Variants in LZTR1 observed in about 807,000 individuals in gnomAD.
LZTR1 encodes leucine-zipper-like transcriptional regulator 1.
LZTR1 carries 260 observed loss-of-function variants against 105.7 expected under a neutral mutation model. That is an observed-to-expected ratio of 2.46 (90% confidence interval 2.22 to 2.72). The LOEUF is 2.72. Among genes scored for constraint, LZTR1 ranks in the 30% most tolerant of loss-of-function variants. The pLI is 0.00. For missense variants in LZTR1, 1,214 were observed against 1,166.9 expected (o/e 1.04, Z -0.59); for synonymous variants, 490 against 476.4 (o/e 1.03, Z -0.37).
intron 18 of LZTR1, 74 bp from the exon 19 acceptor site, chr22:20,996,622 G>T (rs370810895): frequency 7.9e-7 from 1 of 1,263,898 alleles, no homozygotes; most frequent in Non-Finnish European, 1.1e-6. Flanking sequence ...CTCCAGCTGC[G>T]CCCTTCCCTG....
chr22:20,994,691 C>T lies in LZTR1; in HGVS notation c.1749C>T (p.Cys583=), dbSNP rs758399311. The part of the protein sequence containing the change: ...SVDLQNVLVV[C]ESAARLQLSQ... Reference sequence around the variant, plus strand: ...ACCTGCAGAACGTGCTGGTTGTGTGCGAGAGTGCCGCCCGGCTGCAGCTGA... The same window carrying T: ...ACCTGCAGAACGTGCTGGTTGTGTGTGAGAGTGCCGCCCGGCTGCAGCTGA... The change falls in exon 15 of 21, where the codon TGC becomes TGT. Residue 583 remains cysteine, a synonymous_variant. Transcript: ENST00000646124. 1.5e-5 allele frequency: 24 copies of T among 1,612,452 alleles called. No individual in the cohort carries two copies. The South Asian group carries it at 1.9e-4, about 13-fold the overall frequency.
Position 20,998,809 on chromosome 22 carries a change from A to AGG in LZTR1, c.*1461_*1462insGG. On this transcript the variant is annotated 3_prime_UTR_variant, in exon 21 of 21. Coordinates refer to ENST00000646124, the MANE Select transcript of LZTR1 (RefSeq NM_006767.4). ...GCGCCCAGCCATGTGGGCCAGGTGC[A>AGG]TTCACTCAGAGTGGGGCCACACACC... The AGG allele has an allele frequency of 8.3e-6, 1 of 120,690 alleles. No homozygotes were observed. Among genetic ancestry groups the AGG allele is most frequent in the African/African-American group, 2.8e-5 (1 of 35,234 alleles). 7.5% of individuals were successfully genotyped at this position (120,690 alleles called of 1,614,324 possible).
rs1452298307 is a variant in LZTR1 at position 20,994,968 on chromosome 22, T to A, written c.1884T>A (p.Ile628=). The change falls in exon 16 of 21, where the codon ATT becomes ATA. Residue 628 remains isoleucine (I), a synonymous_variant. Coordinates refer to ENST00000646124, the MANE Select transcript of LZTR1 (RefSeq NM_006767.4). ...TCTCCTCTCCACTGATAGTGGAGATTGTGCGGCGGAAGCAGCAGCCGCCCC... is the reference window on the plus strand; with the variant it reads ...TCTCCTCTCCACTGATAGTGGAGATAGTGCGGCGGAAGCAGCAGCCGCCCC... ...ERLSSPLIVE[I]VRRKQQPPPR... 1 of 1,613,204 alleles carries A rather than the reference T, an allele frequency of 6.2e-7. No individual in the cohort carries two copies.
At chr22:20,993,847 T>G in intron 12 of LZTR1, 77 bp from the exon 13 acceptor site, 1 of 1,567,852 alleles carries the variant, frequency 6.4e-7, no homozygotes, top group African/African-American at 1.3e-5. Flanking sequence ...CTGGTGGTGC[T>G]GACCTTGGCT....
At chr22:20,988,187 C>G in intron 5 of LZTR1, 69 bp downstream of exon 5, 2 of 978,214 alleles carry the variant, frequency 2.0e-6, no homozygotes, top group Non-Finnish European at 3.2e-6. Context: ...GGATCTGCCC[C>G]CTTTTGCCTC....
intron 18 of LZTR1, 95 bp from the exon 19 acceptor site, chr22:20,996,601 G>C (rs1005025256): frequency 1.6e-5 from 15 of 954,098 alleles, no homozygotes; most frequent in Middle Eastern, 2.1e-4. Context: ...TGCTGGCGTG[G>C]GGGCTTGGGG....
At chr22:20,994,300 G>T (rs766202941) in intron 14 of LZTR1, 31 bp downstream of exon 14, 3 of 1,592,112 alleles carry the variant, frequency 1.9e-6, no homozygotes, top group Non-Finnish European at 2.6e-6. Context: ...AGCAGGGTTG[G>T]TGTGGGCTGG....
intron 11 of LZTR1, 52 bp from the exon 12 acceptor site, chr22:20,993,610 T>G (rs1284544906): frequency 4.6e-6 from 7 of 1,519,284 alleles, no homozygotes; most frequent in Non-Finnish European, 5.4e-6. Context: ...ACAGCCACAC[T>G]GGGGCCACCC....
intron 18 of LZTR1, chr22:20,996,336 C>G: frequency 1.6e-6 from 1 of 606,298 alleles, no homozygotes; most frequent in South Asian, 2.0e-5. Context: ...GGTTCCTGAC[C>G]CTCACAACTG....
In LZTR1 at chr22:20,994,542, G is replaced by A; in HGVS notation, c.1616-16G>A. ...CCCTCTCCGGCTCCCTGAGATTCGGGGGCTCTGGGGCGCAGGCCATGTGGA... is the reference window on the plus strand; with the variant it reads ...CCCTCTCCGGCTCCCTGAGATTCGGAGGCTCTGGGGCGCAGGCCATGTGGA... On this transcript the variant is annotated splice_polypyrimidine_tract_variant and intron_variant, in intron 14 of 20. Transcript: ENST00000646124. 1 of 1,604,798 alleles carries A rather than the reference G, an allele frequency of 6.2e-7. No individual in the cohort carries two copies. Among genetic ancestry groups the A allele is most frequent in the Non-Finnish European group, 8.5e-7 (1 of 1,177,942 alleles).
intron 8 of LZTR1, 117 bp from the exon 9 acceptor site, chr22:20,991,510 TG>T: frequency 2.5e-6 from 2 of 791,994 alleles, no homozygotes; most frequent in African/African-American, 1.7e-5. Context: ...CTCTGGACCC[TG>T]GGCTAGTCAC....
chr22:20,996,578 C>T, intron 18 of LZTR1, 118 bp from the exon 19 acceptor site: 1 of 753,508 alleles, frequency 1.3e-6, no homozygotes, highest in South Asian at 1.6e-5. Context: ...GTTCAGAATC[C>T]ATTTGGAGAG....
rs539358204 is a variant in LZTR1, at chr22:20,995,081, G to A, written c.1942+55G>A. 4.3e-5 allele frequency: 67 copies of A among 1,553,726 alleles called. No homozygotes were observed. The South Asian group carries it at 6.4e-4, about 15-fold the overall frequency. ...GCTGGGAGGGATGGTGTTCATCTGC[G>A]GTAGGAGATTGGGAGCCATGGAGAG... On this transcript the variant is annotated intron_variant, in intron 16 of 20. Coordinates refer to ENST00000646124, the MANE Select transcript of LZTR1 (RefSeq NM_006767.4).
At chr22:20,995,203 C>T in intron 16 of LZTR1, 177 bp downstream of exon 16, 1 of 738,842 alleles carries the variant, frequency 1.4e-6, no homozygotes, top group Non-Finnish European at 2.3e-6. Flanking sequence ...AAGCCCCCGA[C>T]CCATGGGGCT....
At chr22:20,993,092 G>A (rs961442224) in intron 11 of LZTR1, among the ~76,000 whole-genome samples, 188 bp downstream of exon 11, 2 of 152,252 alleles carry the variant, frequency 1.3e-5, no homozygotes, top group African/African-American at 2.4e-5. Context: ...GGCAGCCTTC[G>A]TGCAGTGGGG....
rs368120713 is a variant in LZTR1 at position 20,996,005 on chromosome 22, G to A, written c.2112G>A (p.Gly704=). 2.5e-6 allele frequency: 4 copies of A among 1,613,580 alleles called. No individual in the cohort carries two copies. The highest frequency in any genetic ancestry group is 2.7e-5 in the African/African-American group (2 of 74,910). The change falls in exon 18 of 21, where the codon GGG becomes GGA. Residue 704 remains glycine (G), a synonymous_variant. Coordinates refer to ENST00000646124, the MANE Select transcript of LZTR1 (RefSeq NM_006767.4). ...TCCGGTCCTTCATGCCCGAAGATGGGCAGGTGAACATCTCCATCGGGGAGA... is the reference window on the plus strand; with the variant it reads ...TCCGGTCCTTCATGCCCGAAGATGGACAGGTGAACATCTCCATCGGGGAGA... The part of the protein sequence containing the change: ...AMFRSFMPED[G]QVNISIGEMV...
Position 20,994,968 on chromosome 22 carries a change from T to C in LZTR1, c.1884T>C (p.Ile628=). 6.2e-7 allele frequency: 1 copy of C among 1,613,204 alleles called. No individual in the cohort carries two copies. The highest frequency in any genetic ancestry group is 8.5e-7 in the Non-Finnish European group (1 of 1,179,970). The change falls in exon 16 of 21, where the codon ATT becomes ATC. Residue 628 remains isoleucine, a synonymous_variant. Transcript: ENST00000646124. ...ERLSSPLIVE[I]VRRKQQPPPR... is the part of the protein sequence containing the mutation. ...TCTCCTCTCCACTGATAGTGGAGAT[T>C]GTGCGGCGGAAGCAGCAGCCGCCCC...
intron 6 of LZTR1, among the ~76,000 whole-genome samples, chr22:20,989,303 C>T (rs749564807): frequency 5.3e-5 from 8 of 152,246 alleles, no homozygotes; most frequent in East Asian, 1.9e-4. Flanking sequence ...AAACTCCTAA[C>T]GATGCAGTGA....
chr22:20,983,089 G>T lies in LZTR1; in HGVS notation c.263G>T (p.Gly88Val), dbSNP rs1051725799. 5.6e-6 allele frequency: 9 copies of T among 1,613,372 alleles called. No homozygotes were observed. The African/African-American group carries it at 1.1e-4, about 19-fold the overall frequency. The change falls in exon 2 of 21, where the codon GGG becomes GTG. Residue 88 changes from glycine (G) to valine (V), a missense_variant and splice_region_variant. Physicochemically the swap from Gly to Val is moderately radical, Grantham distance 109. Transcript: ENST00000646124. ...DAIYVFGGDN[G>V]KTMLNDLLRF... is the part of the protein sequence containing the mutation. The stretch of plus-strand genomic sequence containing the variant: ...ATTTATGTATTTGGTGGAGACAATG[G>T]GTGAGTGAGTCTCAGCATCAGTGTT...
Sources: gnomAD v4.1 joint callset for allele counts (sites outside exome capture counted in the v4.1 genomes callset) on GRCh38, gnomAD v4.1.1 for gene constraint, MANE v1.5 for transcripts, NCBI Gene and HGNC (gene_info 2026-07-23, HGNC 2026-07-21) for gene names.